Variants in CAMSAP1 observed in about 807,000 individuals in gnomAD.
The protein encoded by CAMSAP1 is calmodulin-regulated spectrin-associated protein 1.
CAMSAP1 carries 58 observed loss-of-function variants against 143.5 expected under a neutral mutation model. That is an observed-to-expected ratio of 0.40 (90% CI 0.33 to 0.50). The LOEUF is 0.50. Ranked by LOEUF, CAMSAP1 falls within the 20% of genes least tolerant of loss-of-function variation. The pLI is 0.45. For missense variants in CAMSAP1, 1,969 were observed against 2,115.7 expected, an observed-to-expected ratio of 0.93 and a Z score of 1.36; for synonymous variants, 945 against 859.3, an observed-to-expected ratio of 1.10 and a Z score of -1.74.
At chr9:135,906,974 C>T (rs1838803826) in intron 1 of CAMSAP1, 26 bp downstream of exon 1, 20 of 1,044,362 alleles carry the variant, frequency 1.9e-5, no homozygotes, top group Non-Finnish European at 2.2e-5. Flanking sequence ...CCCTGGCCCC[C>T]GCCCCGCGCC....
chr9:135,848,968 G>A (rs1385607281), intron 7 of CAMSAP1, among the ~76,000 whole-genome samples: 3 of 152,212 alleles, frequency 2.0e-5, no homozygotes, highest in Admixed American at 1.3e-4. Flanking sequence ...GTGGTGAAAG[G>A]TGCACTCTCA....
chr9:135,898,755 T>C (rs1028406920), intron 1 of CAMSAP1, among the ~76,000 whole-genome samples: 1 of 152,186 alleles, frequency 6.6e-6, no homozygotes, highest in Admixed American at 6.5e-5. Context: ...GGAATTCACA[T>C]AAGCTGCTGG....
chr9:135,881,799 G>C lies in CAMSAP1; in HGVS notation c.424-5C>G, dbSNP rs901368081. ...CACCATTGCCATGTGGGCACTCTAGGGGCAGAGGCAGCAGCTATAATCCCT... is the reference window on the plus strand; with the variant it reads ...CACCATTGCCATGTGGGCACTCTAGCGGCAGAGGCAGCAGCTATAATCCCT... On this transcript the variant is annotated splice_polypyrimidine_tract_variant and splice_region_variant and intron_variant, in intron 2 of 16. Coordinates refer to ENST00000389532, the MANE Select transcript of CAMSAP1 (RefSeq NM_015447.4). 8 of 1,551,862 alleles carry C rather than the reference G, an allele frequency of 5.2e-6. No individual in the cohort carries two copies. Among genetic ancestry groups the C allele is most frequent in the Admixed American group, 3.9e-5 (2 of 50,998 alleles).
chr9:135,905,128 T>G (rs2131038606), intron 1 of CAMSAP1, among the ~76,000 whole-genome samples: 1 of 152,336 alleles, frequency 6.6e-6, no homozygotes, highest in Non-Finnish European at 1.5e-5. Context: ...GCCCACCTTT[T>G]AATAATTCCA....
chr9:135,881,531 G>C, intron 3 of CAMSAP1, 102 bp downstream of exon 3: 1 of 1,315,332 alleles, frequency 7.6e-7, no homozygotes, highest in Middle Eastern at 2.5e-4. Flanking sequence ...CCCAAATGAA[G>C]GGCTGGGTCT....
At chr9:135,871,252 A>C (rs1837561662) in intron 3 of CAMSAP1, among the ~76,000 whole-genome samples, 1 of 152,184 alleles carries the variant, frequency 6.6e-6, no homozygotes, top group Non-Finnish European at 1.5e-5. Context: ...GCAGTGGCAT[A>C]ATCACGGCTC....
At chr9:135,872,589 G>A (rs1440243962) in intron 3 of CAMSAP1, among the ~76,000 whole-genome samples, 2 of 152,124 alleles carry the variant, frequency 1.3e-5, no homozygotes, top group Middle Eastern at 3.2e-3. Flanking sequence ...AAAAAAGCAA[G>A]AGCAACTACA....
At chr9:135,888,470 C>T (rs1283241938) in intron 1 of CAMSAP1, among the ~76,000 whole-genome samples, 1 of 152,188 alleles carries the variant, frequency 6.6e-6, no homozygotes, top group African/African-American at 2.4e-5. Flanking sequence ...CTCCCGTAGC[C>T]TCCAACTCAG....
At chr9:135,905,079 G>C (rs972991701) in intron 1 of CAMSAP1, among the ~76,000 whole-genome samples, 2 of 152,128 alleles carry the variant, frequency 1.3e-5, no homozygotes, top group African/African-American at 4.8e-5. Flanking sequence ...ATGGTGTCCA[G>C]TCTTCTCCAG....
chr9:135,871,766 CAA>C (rs552358819), intron 3 of CAMSAP1, among the ~76,000 whole-genome samples: 3 of 137,944 alleles, frequency 2.2e-5, no homozygotes, highest in Admixed American at 7.3e-5. Context: ...CCAGCTCTAT[CAA>C]AAAAAAAAAA....
intron 1 of CAMSAP1, among the ~76,000 whole-genome samples, chr9:135,905,407 C>T (rs899461870): frequency 7.2e-5 from 11 of 152,230 alleles, no homozygotes; most frequent in Admixed American, 5.9e-4. Context: ...ACATCCGCTG[C>T]CTGAGCCCTC....
intron 1 of CAMSAP1, among the ~76,000 whole-genome samples, chr9:135,885,694 T>A (rs78507193): frequency 0.014 from 2,072 of 152,358 alleles, 49 homozygotes; most frequent in African/African-American, 0.048. Flanking sequence ...CAATATAAAG[T>A]GATTCATATA....
chr9:135,886,010 G>A (rs1838109578), intron 1 of CAMSAP1, among the ~76,000 whole-genome samples: 2 of 151,802 alleles, frequency 1.3e-5, no homozygotes, highest in Admixed American at 6.6e-5. Flanking sequence ...GCGAGAGCTG[G>A]ATGTGCACAG....
In CAMSAP1 at chr9:135,850,347, A is replaced by G. The variant is rs763855639; in HGVS notation, c.923T>C (p.Met308Thr). 3.1e-6 allele frequency: 5 copies of G among 1,610,650 alleles called. No homozygotes were observed. The highest frequency in any genetic ancestry group is 4.2e-6 in the Non-Finnish European group (5 of 1,178,848). The change falls in exon 6 of 17, where the codon ATG becomes ACG. Residue 308 changes from methionine to threonine, a missense_variant. Around this residue, in one of 4 missense-constraint regions of CAMSAP1, gnomAD observed 221 missense variants for 298.2 expected, o/e 0.74. Transcript: ENST00000389532. ...CTTCAACACTAATGGCGCATACAGC[A>G]TATCTTCCAAGGTGAGATAAAAACA... ...NKCFYLTLED[M>T]LYAPLVLKPN... is the part of the protein sequence containing the mutation.
At chr9:135,877,333 C>A (rs1312405846) in intron 3 of CAMSAP1, among the ~76,000 whole-genome samples, 1 of 151,642 alleles carries the variant, frequency 6.6e-6, no homozygotes, top group African/African-American at 2.4e-5. Flanking sequence ...TAGTTACCTG[C>A]ATTGGGGTAG....
intron 7 of CAMSAP1, among the ~76,000 whole-genome samples, chr9:135,835,619 C>T (rs2131695897): frequency 6.6e-6 from 1 of 152,334 alleles, no homozygotes; most frequent in East Asian, 1.9e-4. Context: ...CTAAGAGCAG[C>T]TGTGCCCCCA....
At chr9:135,858,790 C>T (rs1490205237) in intron 5 of CAMSAP1, among the ~76,000 whole-genome samples, 1 of 152,244 alleles carries the variant, frequency 6.6e-6, no homozygotes, top group Non-Finnish European at 1.5e-5. Flanking sequence ...GCCTAAAATC[C>T]CCCAGGAAGC....
intron 4 of CAMSAP1, among the ~76,000 whole-genome samples, chr9:135,864,047 T>C (rs1837288117): frequency 1.3e-5 from 2 of 152,234 alleles, no homozygotes; most frequent in Non-Finnish European, 1.5e-5. Context: ...GTTAGACCTC[T>C]AAATCTGTCC....
rs201372976 is a variant in CAMSAP1, at chr9:135,822,706, G to C, written c.1955C>G (p.Pro652Arg). The C allele has an allele frequency of 9.3e-6, 15 of 1,610,430 alleles. No individual in the cohort carries two copies. The Admixed American group carries it at 1.7e-4, about 18-fold the overall frequency. ...GSRDLNRTFT[P>R]IPCSEFPMGI... is the part of the protein sequence containing the mutation. ...CATGGGGAATTCTGAGCATGGAATCGGGGTAAAAGTCCTATTCAAGTCGCG... is the reference window on the plus strand; with the variant it reads ...CATGGGGAATTCTGAGCATGGAATCCGGGTAAAAGTCCTATTCAAGTCGCG... Residue 652 changes from proline (P) to arginine (R), a missense_variant, in exon 11 of 17, where the codon CCG (proline) becomes CGG (arginine). Coordinates refer to ENST00000389532, the MANE Select transcript of CAMSAP1 (RefSeq NM_015447.4). The surrounding 1 kb of genome is among the most constrained non-coding windows in gnomAD (Gnocchi z 6.1).
Sources: allele counts gnomAD v4.1 joint callset (sites outside exome capture counted in the v4.1 genomes callset), GRCh38; gene constraint gnomAD v4.1.1; regional missense constraint gnomAD v4.1.1; non-coding constraint Gnocchi (gnomAD v3.1); transcripts MANE v1.5; gene names NCBI Gene and HGNC (gene_info 2026-07-23, HGNC 2026-07-21).